The following SERGEF variants were observed in gnomAD, a reference collection of about 807,000 sequenced individuals.
The protein encoded by SERGEF is secretion regulating guanine nucleotide exchange factor.
Under a neutral mutation model 50.0 loss-of-function variants are expected in SERGEF, and 51 were observed. The observed-to-expected ratio is 1.02, with a 90% confidence interval of 0.81 to 1.29. SERGEF has a LOEUF of 1.29. SERGEF is among the 50% of genes most tolerant of loss of function. The probability of loss-of-function intolerance (pLI) is 0.00; values close to 1 mark genes in which losing one functional copy is unlikely to be tolerated. For missense variants in SERGEF, 521 were observed against 557.0 expected, an observed-to-expected ratio of 0.94 and a Z score of 0.65; for synonymous variants, 205 against 212.4, an observed-to-expected ratio of 0.97 and a Z score of 0.30.
intron 10 of SERGEF, among the ~76,000 whole-genome samples, chr11:17,873,127 C>A (rs901587063): frequency 4.6e-5 from 7 of 152,034 alleles, no homozygotes; most frequent in South Asian, 2.1e-4. Context: ...AAAAACAGGC[C>A]AGACTGTCAC....
At chr11:17,971,972 GA>G (rs1853256859) in intron 8 of SERGEF, among the ~76,000 whole-genome samples, 1 of 152,210 alleles carries the variant, frequency 6.6e-6, no homozygotes, top group South Asian at 2.1e-4. Flanking sequence ...GGCTTCAGTG[GA>G]AGAAGTAACT....
intron 9 of SERGEF, among the ~76,000 whole-genome samples, chr11:17,928,137 G>C (rs1383751280): frequency 2.6e-5 from 4 of 152,348 alleles, no homozygotes; most frequent in African/African-American, 9.6e-5. Flanking sequence ...AGCTCCTTCT[G>C]TACTGGCATG....
At chr11:17,964,922 C>A (rs1349649082) in intron 8 of SERGEF, among the ~76,000 whole-genome samples, 1 of 152,210 alleles carries the variant, frequency 6.6e-6, no homozygotes, top group Non-Finnish European at 1.5e-5. Flanking sequence ...GACCAAGAAT[C>A]ACCTAGCATC....
chr11:17,993,409 C>T (rs554009912), intron 6 of SERGEF, among the ~76,000 whole-genome samples: 3 of 152,192 alleles, frequency 2.0e-5, no homozygotes, highest in African/African-American at 7.2e-5. Flanking sequence ...GTGTCTATTT[C>T]CTAACTCCAG....
intron 10 of SERGEF, among the ~76,000 whole-genome samples, chr11:17,815,288 G>A (rs1404192770): frequency 4.6e-5 from 7 of 151,878 alleles, no homozygotes; most frequent in Admixed American, 4.6e-4. Flanking sequence ...TAAATACTTC[G>A]GGGTTTCATC....
intron 8 of SERGEF, among the ~76,000 whole-genome samples, chr11:17,983,870 G>A (rs1209207444): frequency 6.6e-6 from 1 of 151,894 alleles, no homozygotes. Context: ...TGAAGAAGAG[G>A]TGCATGGATA....
chr11:17,808,085 G>A (rs572252968), intron 10 of SERGEF, among the ~76,000 whole-genome samples: 91 of 152,290 alleles, frequency 6.0e-4, no homozygotes, highest in Non-Finnish European at 9.7e-4. Context: ...TACTGGCTGA[G>A]CAGGACCCTC....
intron 1 of SERGEF, 150 bp downstream of exon 1, chr11:18,012,800 TC>T: frequency 2.4e-6 from 2 of 846,008 alleles, no homozygotes; most frequent in Non-Finnish European, 3.4e-6. Flanking sequence ...CCTCCTCCGC[TC>T]CCCCTCCGCT....
At chr11:17,835,930 T>G (rs1303511742) in intron 10 of SERGEF, among the ~76,000 whole-genome samples, 1 of 152,218 alleles carries the variant, frequency 6.6e-6, no homozygotes, top group African/African-American at 2.4e-5. Context: ...CTCTGAACTA[T>G]TCATCATCCT....
intron 10 of SERGEF, among the ~76,000 whole-genome samples, chr11:17,840,500 A>G (rs1850480717): frequency 6.6e-6 from 1 of 152,068 alleles, no homozygotes; most frequent in Non-Finnish European, 1.5e-5. Flanking sequence ...CACTTCTCTC[A>G]CCCTCACCTG....
At chr11:17,846,667 TG>T (rs1850616876) in intron 10 of SERGEF, 1 of 456,034 alleles carries the variant, frequency 2.2e-6, no homozygotes, top group Non-Finnish European at 4.4e-6. Context: ...CCATGACACA[TG>T]AACACTGTGA....
At chr11:17,958,660 C>T (rs749571581) in intron 9 of SERGEF, among the ~76,000 whole-genome samples, 41 of 152,168 alleles carry the variant, frequency 2.7e-4, no homozygotes, top group Non-Finnish European at 5.1e-4. Flanking sequence ...TACCTCATAA[C>T]TGTCCTGCCA....
chr11:17,801,600 A>C (rs1394363951), intron 10 of SERGEF, among the ~76,000 whole-genome samples: 2 of 152,162 alleles, frequency 1.3e-5, no homozygotes, highest in African/African-American at 4.8e-5. Flanking sequence ...GAAGTTGAGG[A>C]GGCCTGGAGG....
At chr11:17,977,302 T>A (rs1853397928) in intron 8 of SERGEF, among the ~76,000 whole-genome samples, 1 of 151,126 alleles carries the variant, frequency 6.6e-6, no homozygotes, top group African/African-American at 2.4e-5. Context: ...GGGAATAGAG[T>A]GTAAGAGGTG....
chr11:17,880,645 T>C (rs1237797308), intron 9 of SERGEF, among the ~76,000 whole-genome samples: 1 of 152,130 alleles, frequency 6.6e-6, no homozygotes, highest in East Asian at 1.9e-4. Context: ...AAAATTTTTA[T>C]AATTAGGGAA....
intron 10 of SERGEF, among the ~76,000 whole-genome samples, chr11:17,875,092 T>C (rs1476614827): frequency 1.3e-5 from 2 of 152,186 alleles, no homozygotes; most frequent in Non-Finnish European, 2.9e-5. Flanking sequence ...GTTACACAGC[T>C]TGTAAGTGGA....
At chr11:17,879,690 C>T (rs889865852) in intron 9 of SERGEF, among the ~76,000 whole-genome samples, 1 of 152,104 alleles carries the variant, frequency 6.6e-6, no homozygotes, top group Admixed American at 6.5e-5. Context: ...TACAGTTAAT[C>T]TATTATATTC....
rs114031914 is a variant in SERGEF at position 17,885,193 on chromosome 11, C to A, written c.1012-6949G>T. ...CTGTCTCCAGATCCTGTTAATCCTGCCTTCTCAATGGTTCTCAAGTCTGAC... is the reference window on the plus strand; with the variant it reads ...CTGTCTCCAGATCCTGTTAATCCTGACTTCTCAATGGTTCTCAAGTCTGAC... On this transcript the variant is annotated intron_variant, in intron 9 of 10. Coordinates refer to ENST00000265965, the MANE Select transcript of SERGEF (RefSeq NM_012139.4). 9.6e-3 allele frequency among the ~76,000 whole-genome samples: 1,460 copies of A among 152,296 alleles called. 20 individuals carry two copies. Among genetic ancestry groups the A allele is most frequent in the African/African-American group, 0.033 (1,353 of 41,554 alleles).
rs1322634468 is a variant in SERGEF, at chr11:18,007,923, AC to A, written c.196+17del. Reference sequence around the variant, plus strand: ...TAAATAAGAAAATGAGTGACTATCTACTTTTGAAGGAAATTACCTGTGACAA... The same window carrying A: ...TAAATAAGAAAATGAGTGACTATCTATTTTGAAGGAAATTACCTGTGACAA... On this transcript the variant is annotated intron_variant, in intron 2 of 10. Transcript: ENST00000265965. 2 of 1,602,760 alleles carry A rather than the reference AC, an allele frequency of 1.2e-6. No individual in the cohort carries two copies. Among genetic ancestry groups the A allele is most frequent in the African/African-American group, 2.7e-5 (2 of 74,658 alleles).
Sources: gnomAD v4.1 joint callset for allele counts (sites outside exome capture counted in the v4.1 genomes callset) on GRCh38, gnomAD v4.1.1 for gene constraint, MANE v1.5 for transcripts, NCBI Gene and HGNC (gene_info 2026-07-23, HGNC 2026-07-21) for gene names.